AMMECR1: variants seen among roughly 807,000 people sequenced by gnomAD.
AMMECR1 encodes AMMECR nuclear protein 1.
A neutral mutation model predicts 22.5 loss-of-function variants in AMMECR1; 3 were observed. The observed-to-expected ratio is 0.13, with a 90% CI of 0.06 to 0.35. The LOEUF is 0.35. Ranked by LOEUF, AMMECR1 falls within the 10% of genes least tolerant of loss-of-function variation. The pLI, the probability that AMMECR1 is intolerant of heterozygous loss-of-function variation, is 1.00. For synonymous variants in AMMECR1, 130 were observed against 116.7 expected, an observed-to-expected ratio of 1.11 and a Z score of -0.74; for missense variants, 235 against 278.7, an observed-to-expected ratio of 0.84 and a Z score of 1.12.
intron 1 of AMMECR1, among the ~76,000 whole-genome samples, chrX:110,287,564 T>G (rs983070028): frequency 6.3e-5 from 7 of 111,794 alleles, no homozygotes; most frequent in Non-Finnish European, 9.4e-5. Flanking sequence ...TGTATACTGA[T>G]GCTCAGAATA....
intron 2 of AMMECR1, among the ~76,000 whole-genome samples, chrX:110,410,567 G>A (rs1175063889): frequency 8.9e-6 from 1 of 112,122 alleles, no homozygotes; most frequent in African/African-American, 3.2e-5. Flanking sequence ...CAAGTAGCCT[G>A]AATGACTTCA....
intron 1 of AMMECR1, among the ~76,000 whole-genome samples, chrX:110,314,144 C>T (rs774725302): frequency 4.5e-5 from 5 of 111,693 alleles, no homozygotes; most frequent in Non-Finnish European, 9.4e-5. Context: ...CTTTAATGTG[C>T]GTAAGAATCA....
Position 110,401,987 on chromosome X carries a change from A to G in AMMECR1, c.-148+24671T>C, listed in dbSNP as rs528073851. ...TGTTTCTCTTTTCCTCTTCTCACCA[A>G]CAAGTCTCTTTCTTCAAAGTCTCCC... On this transcript the variant is annotated intron_variant, in intron 2 of 7. Transcript: ENST00000372057. Among the ~76,000 whole-genome samples the G allele has an allele frequency of 2.7e-5, 3 of 112,105 alleles. No individual in the cohort carries two copies. In the South Asian group the frequency reaches 1.1e-3, roughly 42 times the overall value.
intron 2 of AMMECR1, among the ~76,000 whole-genome samples, chrX:110,247,196 T>C (rs2067662512): frequency 8.9e-6 from 1 of 112,409 alleles, no homozygotes; most frequent in African/African-American, 3.2e-5. Context: ...AACTTCTTAC[T>C]GTGGCAAAAT....
intron 2 of AMMECR1, chrX:110,225,164 C>T: frequency 4.0e-6 from 1 of 251,120 alleles, no homozygotes; most frequent in African/African-American, 2.8e-5. Context: ...CTATGACAGG[C>T]TAATATATCA....
chrX:110,274,800 T>C lies in AMMECR1; in HGVS notation c.474-10201A>G, dbSNP rs192876024. ...CTATATTTCCCATTTGTTCTCCACT[T>C]CTCTTTTACTGTAAGATTAAATGAG... On this transcript the variant is annotated intron_variant, in intron 1 of 5. Transcript: ENST00000262844. Among the ~76,000 whole-genome samples the C allele has an allele frequency of 5.6e-3, 624 of 112,053 alleles. 1 individual carries two copies. The highest frequency in any genetic ancestry group is 7.4e-3 in the Non-Finnish European group (394 of 53,167).
intron 2 of AMMECR1, among the ~76,000 whole-genome samples, chrX:110,259,005 C>T (rs1022614221): frequency 1.8e-5 from 2 of 111,870 alleles, no homozygotes; most frequent in Admixed American, 9.5e-5. Context: ...CAGATTACAA[C>T]ACCAAAATAT....
intron 2 of AMMECR1, among the ~76,000 whole-genome samples, chrX:110,350,060 T>C (rs916868239): frequency 3.6e-5 from 4 of 112,470 alleles, no homozygotes; most frequent in African/African-American, 6.5e-5. Context: ...AATGAATTCT[T>C]AAGTATCTAT....
rs1264483058 is a variant in AMMECR1, at chrX:110,234,650, C to G, written c.585-18018G>C. ...AACAGAGATATAGACCAATGGAACA[C>G]AACAGAGCCCTCAGAAATAATGCCA... On this transcript the variant is annotated intron_variant, in intron 2 of 5. Transcript: ENST00000262844. Among the ~76,000 whole-genome samples the G allele has an allele frequency of 1.7e-3, 183 of 109,536 alleles. 1 individual carries two copies. The highest frequency in any genetic ancestry group is 2.8e-3 in the Non-Finnish European group (148 of 52,317).
intron 2 of AMMECR1, among the ~76,000 whole-genome samples, chrX:110,360,547 T>G (rs2148248908): frequency 9.0e-6 from 1 of 111,449 alleles, no homozygotes; most frequent in Admixed American, 9.5e-5. Context: ...ATGTCAGGGT[T>G]TGGTAATAGA....
rs764731624 is a variant in AMMECR1, at chrX:110,213,506, GT to G, written c.699+3011del. 2.7e-5 allele frequency among the ~76,000 whole-genome samples: 3 copies of G among 112,179 alleles called. No homozygotes were observed. In the East Asian group the frequency reaches 8.4e-4, roughly 31 times the overall value. ...ACATATTCTATTTATCCATTCATCT[GT>G]TGATAAACATTTGGGATGTTTCCAC... On this transcript the variant is annotated intron_variant, in intron 3 of 5. Transcript: ENST00000262844.
intron 1 of AMMECR1, among the ~76,000 whole-genome samples, chrX:110,279,911 A>AT (rs2148206932): frequency 8.9e-6 from 1 of 111,967 alleles, no homozygotes; most frequent in South Asian, 3.7e-4. Flanking sequence ...AAAACCCTTC[A>AT]TTTTAAAATT....
chrX:110,274,875 C>A (rs2067817976), intron 1 of AMMECR1, among the ~76,000 whole-genome samples: 1 of 110,971 alleles, frequency 9.0e-6, no homozygotes, highest in African/African-American at 3.3e-5. Context: ...TTAGTTATGC[C>A]CTTTTTAGTA....
intron 2 of AMMECR1, among the ~76,000 whole-genome samples, chrX:110,401,782 G>A (rs138052073): frequency 0.011 from 1,180 of 112,151 alleles, 9 homozygotes; most frequent in Middle Eastern, 0.023. Context: ...TTCCTCCCCT[G>A]TAAAATGGAT....
At chrX:110,243,223 C>A (rs1318177973) in intron 2 of AMMECR1, among the ~76,000 whole-genome samples, 2 of 112,163 alleles carry the variant, frequency 1.8e-5, no homozygotes, top group Non-Finnish European at 3.8e-5. Context: ...CTCCAGGAAA[C>A]CTTCCAGCCA....
At chrX:110,375,901 C>T (rs2068373235) in intron 2 of AMMECR1, among the ~76,000 whole-genome samples, 1 of 111,320 alleles carries the variant, frequency 9.0e-6, no homozygotes. Context: ...ATTCAATGTG[C>T]TTATGGTAGG....
chrX:110,405,248 A>C (rs1446003885), intron 2 of AMMECR1, among the ~76,000 whole-genome samples: 1 of 111,390 alleles, frequency 9.0e-6, no homozygotes, highest in Admixed American at 9.5e-5. Context: ...CTCAGGGAAG[A>C]AGATGTAGAA....
chrX:110,327,190 G>A (rs2068101016), intron 2 of AMMECR1, among the ~76,000 whole-genome samples: 1 of 111,689 alleles, frequency 9.0e-6, no homozygotes, highest in Non-Finnish European at 1.9e-5. Context: ...AATAAATGTG[G>A]GAGTTAGCAT....
intron 2 of AMMECR1, among the ~76,000 whole-genome samples, chrX:110,331,823 T>C (rs2068122077): frequency 8.9e-6 from 1 of 111,859 alleles, no homozygotes; most frequent in African/African-American, 3.3e-5. Context: ...CCCCAAGACT[T>C]TGTACTCTGG....
Sources: gnomAD v4.1 joint callset for allele counts (sites outside exome capture counted in the v4.1 genomes callset) on GRCh38, gnomAD v4.1.1 for gene constraint, MANE v1.5 for transcripts, NCBI Gene and HGNC (gene_info 2026-07-23, HGNC 2026-07-21) for gene names.